ROR1: variants seen among roughly 807,000 people sequenced by gnomAD.
The protein encoded by ROR1 is ROR family WNT receptor 1, also known as inactive tyrosine-protein kinase transmembrane receptor ROR1.
In ROR1, 19 loss-of-function variants were observed where a neutral mutation model predicts 78.8. The ratio of observed to expected loss-of-function variants is 0.24; its 90% CI spans 0.17 to 0.35. The LOEUF (loss-of-function observed/expected upper bound fraction) is 0.35, where lower values mean the gene tolerates loss of function less well. Ranked by LOEUF, ROR1 falls within the 10% of genes least tolerant of loss-of-function variation. The pLI is 1.00. For synonymous variants in ROR1, 386 were observed against 433.6 expected, an observed-to-expected ratio of 0.89 and a Z score of 1.36; for missense variants, 917 against 1,177.8, an observed-to-expected ratio of 0.78 and a Z score of 3.24.
intron 4 of ROR1, among the ~76,000 whole-genome samples, chr1:64,119,566 G>C (rs1026278376): frequency 1.3e-5 from 2 of 150,882 alleles, no homozygotes; most frequent in African/African-American, 4.9e-5. Context: ...TTGAACCCAG[G>C]AGGTGGAGGT....
chr1:63,951,882 T>G (rs557154150), intron 1 of ROR1, among the ~76,000 whole-genome samples: 1 of 152,184 alleles, frequency 6.6e-6, no homozygotes, highest in Admixed American at 6.5e-5. Context: ...AGAAAATTGG[T>G]GTAGACGAGC....
At chr1:63,799,242 A>G (rs556100456) in intron 1 of ROR1, among the ~76,000 whole-genome samples, 96 of 134,424 alleles carry the variant, frequency 7.1e-4, no homozygotes, top group African/African-American at 3.2e-3. Context: ...ACATACAAAC[A>G]GCTTTCATTG....
Position 64,091,133 on chromosome 1 carries a change from C to T in ROR1, c.482+40417C>T, listed in dbSNP as rs368024267. Among the ~76,000 whole-genome samples the T allele has an allele frequency of 1.6e-3, 242 of 152,242 alleles. 2 individuals carry two copies. The highest frequency in any genetic ancestry group is 4.6e-3 in the African/African-American group (190 of 41,544). On this transcript the variant is annotated intron_variant, in intron 4 of 8. Coordinates refer to ENST00000371079, the MANE Select transcript of ROR1 (RefSeq NM_005012.4). ...TAATCCCCAAACCCACTGCAACATG[C>T]AGTCCATTCTCACATGTGCAAGTGC...
intron 1 of ROR1, among the ~76,000 whole-genome samples, chr1:63,996,149 C>A (rs1329632075): frequency 6.6e-6 from 1 of 152,122 alleles, no homozygotes; most frequent in Non-Finnish European, 1.5e-5. Context: ...AAAGTAAAAT[C>A]TCATCCCCAG....
chr1:63,987,701 C>T (rs781723986), intron 1 of ROR1, among the ~76,000 whole-genome samples: 3 of 152,132 alleles, frequency 2.0e-5, no homozygotes, highest in Non-Finnish European at 2.9e-5. Flanking sequence ...GTTCCTCAGT[C>T]GCCACTTGGC....
intron 4 of ROR1, among the ~76,000 whole-genome samples, chr1:64,130,342 T>C (rs2762846): frequency 0.93 from 142,179 of 152,238 alleles, 67,134 homozygotes; most frequent in East Asian, 1. Flanking sequence ...TTTTTGATGC[T>C]CACTTTCAGA....
chr1:63,978,038 C>G (rs1287401155), intron 1 of ROR1, among the ~76,000 whole-genome samples: 1 of 152,174 alleles, frequency 6.6e-6, no homozygotes, highest in Non-Finnish European at 1.5e-5. Context: ...CAACAGGCCC[C>G]TCCTTTTATC....
At chr1:63,963,808 C>T (rs1646052734) in intron 1 of ROR1, among the ~76,000 whole-genome samples, 1 of 152,094 alleles carries the variant, frequency 6.6e-6, no homozygotes, top group African/African-American at 2.4e-5. Flanking sequence ...TTCAGCCCCT[C>T]CCCGCTGCTC....
At chr1:64,025,300 C>T (rs1257040855) in intron 2 of ROR1, among the ~76,000 whole-genome samples, 3 of 152,114 alleles carry the variant, frequency 2.0e-5, no homozygotes, top group Non-Finnish European at 4.4e-5. Context: ...TAACGTGATT[C>T]CCGTCTTCCA....
At chr1:64,164,358 G>T (rs1457727877) in intron 8 of ROR1, among the ~76,000 whole-genome samples, 1 of 152,182 alleles carries the variant, frequency 6.6e-6, no homozygotes, top group Non-Finnish European at 1.5e-5. Context: ...ACTTCAAAGA[G>T]CAAGAGTGTA....
At position 63,849,806 on chromosome 1, in the gene ROR1, GT is replaced by G. The variant is rs545569977; in HGVS notation, c.91+75299del. Among the ~76,000 whole-genome samples, 27 of 152,258 alleles carry G rather than the reference GT, an allele frequency of 1.8e-4. No individual in the cohort carries two copies. The South Asian group carries it at 5.0e-3, about 28-fold the overall frequency. ...TAGACCAATCCATTGCTAAGCCATC[GT>G]GCTTTGTTTTCTTTTTTAAACTTTG... On this transcript the variant is annotated intron_variant, in intron 1 of 8. Coordinates refer to ENST00000371079, the MANE Select transcript of ROR1 (RefSeq NM_005012.4).
At chr1:63,811,561 C>T (rs529014333) in intron 1 of ROR1, among the ~76,000 whole-genome samples, 17 of 152,160 alleles carry the variant, frequency 1.1e-4, no homozygotes, top group Non-Finnish European at 2.1e-4. Flanking sequence ...AAACCCCTCA[C>T]TCCATCTTTT....
At chr1:63,893,881 A>G (rs1645419434) in intron 1 of ROR1, among the ~76,000 whole-genome samples, 1 of 152,202 alleles carries the variant, frequency 6.6e-6, no homozygotes, top group Middle Eastern at 3.4e-3. Flanking sequence ...CTTTTTTACA[A>G]TTTCATGCAT....
chr1:63,928,344 G>A (rs1014384145), intron 1 of ROR1, among the ~76,000 whole-genome samples: 26 of 152,188 alleles, frequency 1.7e-4, no homozygotes, highest in African/African-American at 4.3e-4. Flanking sequence ...AGAAAAGTTG[G>A]TGGGAAAAGC....
Position 64,178,500 on chromosome 1 carries a change from A to G in ROR1, c.2459A>G (p.Asn820Ser). ...CAGAACCAGCGATTCATTCCCATCA[A>G]TGGATACCCAATACCTCCTGGATAT... ...IPQNQRFIPI[N>S]GYPIPPGYAA... The change falls in exon 9 of 9, where the codon AAT becomes AGT. Residue 820 changes from asparagine to serine, a missense_variant. Physicochemically the swap from Asn to Ser is conservative, Grantham distance 46. Transcript: ENST00000371079. The surrounding 1 kb of genome is among the most constrained non-coding windows in gnomAD (Gnocchi z 4.3). The G allele has an allele frequency of 3.1e-6, 5 of 1,614,164 alleles. No homozygotes were observed. Among genetic ancestry groups the G allele is most frequent in the Non-Finnish European group, 4.2e-6 (5 of 1,180,016 alleles).
chr1:63,939,409 C>T (rs865984677), intron 1 of ROR1, among the ~76,000 whole-genome samples: 1 of 151,846 alleles, frequency 6.6e-6, no homozygotes, highest in African/African-American at 2.4e-5. Context: ...GTATATAGCC[C>T]CTAAGAAGTA....
intron 4 of ROR1, among the ~76,000 whole-genome samples, chr1:64,120,570 C>T (rs138186459): frequency 1.6e-4 from 24 of 151,950 alleles, no homozygotes; most frequent in African/African-American, 5.8e-4. Context: ...CCACACATCT[C>T]AGTTTGAGCC....
At chr1:64,126,838 G>T (rs1648728015) in intron 4 of ROR1, among the ~76,000 whole-genome samples, 1 of 152,132 alleles carries the variant, frequency 6.6e-6, no homozygotes, top group African/African-American at 2.4e-5. Flanking sequence ...TTGTTGGATG[G>T]AGGGACCTTG....
intron 2 of ROR1, among the ~76,000 whole-genome samples, chr1:64,032,318 T>C (rs1366022120): frequency 1.5e-5 from 2 of 132,720 alleles, no homozygotes; most frequent in African/African-American, 5.7e-5. Context: ...TCCAGCCCAG[T>C]TGGCAAAGTG....
Sources: gnomAD v4.1 joint callset for allele counts (sites outside exome capture counted in the v4.1 genomes callset) on GRCh38, gnomAD v4.1.1 for gene constraint, Gnocchi (gnomAD v3.1) non-coding constraint, MANE v1.5 for transcripts, NCBI Gene and HGNC (gene_info 2026-07-23, HGNC 2026-07-21) for gene names.